Variants in GRIK2 observed in about 807,000 individuals in gnomAD.
The protein encoded by GRIK2 is glutamate receptor ionotropic, kainate 2.
A neutral mutation model predicts 100.3 loss-of-function variants in GRIK2; 32 were observed. The observed-to-expected ratio is 0.32, with a 90% CI of 0.24 to 0.43. The LOEUF (loss-of-function observed/expected upper bound fraction) is 0.43, where lower values mean the gene tolerates loss of function less well. Ranked by LOEUF, GRIK2 falls within the 20% of genes least tolerant of loss-of-function variation. GRIK2 has a pLI of 1.00. For missense variants in GRIK2, 843 were observed against 1,114.9 expected, an observed-to-expected ratio of 0.76 and a Z score of 3.47; for synonymous variants, 417 against 389.4, an observed-to-expected ratio of 1.07 and a Z score of -0.83.
intron 16 of GRIK2, chr6:102,063,917 A>G (rs1771875517): frequency 1.2e-6 from 1 of 824,676 alleles, no homozygotes; most frequent in African/African-American, 1.7e-5. Flanking sequence ...ATTTAAATGC[A>G]ATTATACATG....
intron 7 of GRIK2, among the ~76,000 whole-genome samples, chr6:101,716,199 G>C (rs1774051689): frequency 1.3e-5 from 2 of 151,600 alleles, no homozygotes; most frequent in Admixed American, 6.6e-5. Context: ...TCTCTGAATG[G>C]TGTTTAATTA....
At chr6:101,730,752 GAA>G (rs1012035072) in intron 7 of GRIK2, among the ~76,000 whole-genome samples, 36 of 151,766 alleles carry the variant, frequency 2.4e-4, no homozygotes, top group African/African-American at 8.7e-4. Flanking sequence ...ATAGAGAAAA[GAA>G]AGAGAGAGGA....
chr6:101,972,309 A>G (rs1009482950), intron 14 of GRIK2, among the ~76,000 whole-genome samples: 4 of 151,900 alleles, frequency 2.6e-5, no homozygotes, highest in Non-Finnish European at 5.9e-5. Context: ...CGGGTGTGAG[A>G]TGGTATCTTA....
intron 2 of GRIK2, among the ~76,000 whole-genome samples, chr6:101,606,619 CCT>C (rs1338710744): frequency 6.6e-6 from 1 of 151,984 alleles, no homozygotes; most frequent in Admixed American, 6.6e-5. Flanking sequence ...CTCTGAGCCA[CCT>C]CCTTGTTAAG....
At chr6:102,011,577 C>CTTTTTTTTTTTTT (rs763369559) in intron 14 of GRIK2, among the ~76,000 whole-genome samples, 14 of 76,652 alleles carry the variant, frequency 1.8e-4, no homozygotes, top group African/African-American at 4.3e-4. Context: ...CTTTCTTTTC[C>CTTTTTTTTTTTTT]TTTTTTTTTT....
chr6:101,961,315 C>T (rs983459104), intron 14 of GRIK2, among the ~76,000 whole-genome samples: 3 of 152,114 alleles, frequency 2.0e-5, no homozygotes, highest in East Asian at 1.9e-4. Flanking sequence ...TACTCTGCAG[C>T]GGGAATGCTG....
chr6:101,478,016 A>T (rs914298930), intron 2 of GRIK2, among the ~76,000 whole-genome samples: 2 of 152,166 alleles, frequency 1.3e-5, no homozygotes, highest in East Asian at 3.9e-4. Flanking sequence ...TAGATGGCTC[A>T]GTGAGTATCT....
chr6:101,851,704 G>T (rs1051913059), intron 10 of GRIK2, among the ~76,000 whole-genome samples: 6 of 151,140 alleles, frequency 4.0e-5, no homozygotes, highest in Admixed American at 2.6e-4. Context: ...CCATAAAGTT[G>T]TCTTGATGGC....
At chr6:101,421,231 A>AT (rs1470662872) in intron 2 of GRIK2, among the ~76,000 whole-genome samples, 1 of 152,130 alleles carries the variant, frequency 6.6e-6, no homozygotes, top group African/African-American at 2.4e-5. Flanking sequence ...GAGGAGCTCC[A>AT]TTTTGTGGGC....
chr6:101,917,231 C>T (rs748385986), intron 12 of GRIK2, among the ~76,000 whole-genome samples: 5 of 151,606 alleles, frequency 3.3e-5, no homozygotes, highest in Admixed American at 6.6e-5. Context: ...TCTAAAAATA[C>T]TCTCTCATTT....
chr6:101,568,827 T>C (rs1468457944), intron 2 of GRIK2, among the ~76,000 whole-genome samples: 5 of 152,084 alleles, frequency 3.3e-5, no homozygotes, highest in Non-Finnish European at 7.4e-5. Context: ...TGATAACGAG[T>C]CTATCCAGTC....
At chr6:101,849,035 G>T (rs1416458922) in intron 10 of GRIK2, among the ~76,000 whole-genome samples, 2 of 151,648 alleles carry the variant, frequency 1.3e-5, no homozygotes, top group Non-Finnish European at 2.9e-5. Context: ...TTTTAGTTTA[G>T]ATGCCTGAAA....
At chr6:102,059,010 A>C (rs1771611307) in intron 16 of GRIK2, among the ~76,000 whole-genome samples, 1 of 151,342 alleles carries the variant, frequency 6.6e-6, no homozygotes, top group Non-Finnish European at 1.5e-5. Context: ...GGGTGAAAAT[A>C]AAATGCCTTT....
chr6:101,574,807 T>C (rs1777722284), intron 2 of GRIK2, among the ~76,000 whole-genome samples: 1 of 151,916 alleles, frequency 6.6e-6, no homozygotes, highest in Admixed American at 6.6e-5. Context: ...TATTATGTGG[T>C]AACCTATTTT....
At chr6:101,582,488 C>T (rs1214318533) in intron 2 of GRIK2, among the ~76,000 whole-genome samples, 1 of 152,088 alleles carries the variant, frequency 6.6e-6, no homozygotes, top group Non-Finnish European at 1.5e-5. Flanking sequence ...GTGCCTTCTG[C>T]CATGATTGTA....
intron 2 of GRIK2, among the ~76,000 whole-genome samples, chr6:101,608,441 A>AT (rs1404788814): frequency 2.6e-5 from 4 of 151,906 alleles, no homozygotes; most frequent in African/African-American, 9.7e-5. Flanking sequence ...AACATGTGTT[A>AT]TTTCTAGTAA....
intron 2 of GRIK2, among the ~76,000 whole-genome samples, chr6:101,595,716 G>GTATATATATATATATA (rs751726535): frequency 1.6e-4 from 22 of 133,782 alleles, no homozygotes; most frequent in Admixed American, 8.0e-4. Context: ...GTGTGTGTGT[G>GTATATATATATATATA]TGTATATATA....
intron 14 of GRIK2, among the ~76,000 whole-genome samples, chr6:101,968,139 A>G (rs1792807820): frequency 6.6e-6 from 1 of 152,064 alleles, no homozygotes; most frequent in Admixed American, 6.6e-5. Flanking sequence ...CAAAAGTTAA[A>G]AAAAAACCAT....
At chr6:102,064,000 C>T (rs1239457435) in intron 16 of GRIK2, 1 of 1,558,650 alleles carries the variant, frequency 6.4e-7, no homozygotes, top group East Asian at 2.3e-5. Flanking sequence ...ACCATCCAGA[C>T]ACTGTTTAGT....
Sources: gnomAD v4.1 joint callset for allele counts (sites outside exome capture counted in the v4.1 genomes callset) on GRCh38, gnomAD v4.1.1 for gene constraint, MANE v1.5 for transcripts, NCBI Gene and HGNC (gene_info 2026-07-23, HGNC 2026-07-21) for gene names.